The following KHDRBS2 variants were observed in gnomAD, a reference collection of about 807,000 sequenced individuals.
KHDRBS2 encodes KH domain-containing, RNA-binding, signal transduction-associated protein 2.
KHDRBS2 carries 26 observed loss-of-function variants against 44.3 expected under a neutral mutation model. That is an observed-to-expected ratio of 0.59 (90% CI 0.43 to 0.81). The LOEUF (loss-of-function observed/expected upper bound fraction) is 0.81, where lower values mean the gene tolerates loss of function less well. Ranked by LOEUF, KHDRBS2 falls within the 40% of genes least tolerant of loss-of-function variation. The pLI, the probability that KHDRBS2 is intolerant of heterozygous loss-of-function variation, is 0.00. For missense variants in KHDRBS2, 476 were observed against 433.1 expected (o/e 1.10, Z -0.88); for synonymous variants, 194 against 151.1 (o/e 1.28, Z -2.08).
At chr6:62,273,422 T>C (rs1563169624) in intron 1 of KHDRBS2, among the ~76,000 whole-genome samples, 1 of 152,188 alleles carries the variant, frequency 6.6e-6, no homozygotes, top group Admixed American at 6.5e-5. Context: ...TCTTACTTGA[T>C]CTACTGCAAC....
intron 3 of KHDRBS2, among the ~76,000 whole-genome samples, chr6:61,998,480 T>C (rs1777633424): frequency 1.3e-5 from 2 of 152,140 alleles, no homozygotes; most frequent in African/African-American, 4.8e-5. Context: ...CTCTACCTTA[T>C]GAACAAAATG....
intron 4 of KHDRBS2, among the ~76,000 whole-genome samples, chr6:61,950,411 G>A (rs1764506944): frequency 6.6e-6 from 1 of 151,962 alleles, no homozygotes; most frequent in African/African-American, 2.4e-5. Context: ...CTCACTAAAA[G>A]TTAACATTCC....
chr6:61,885,922 T>A (rs761083816), intron 6 of KHDRBS2, among the ~76,000 whole-genome samples: 7 of 152,100 alleles, frequency 4.6e-5, no homozygotes, highest in Admixed American at 6.6e-5. Context: ...AACATAACTT[T>A]GAGTGAGGCC....
At chr6:62,089,069 C>T (rs1379897398) in intron 2 of KHDRBS2, among the ~76,000 whole-genome samples, 2 of 152,032 alleles carry the variant, frequency 1.3e-5, no homozygotes, top group East Asian at 3.9e-4. Flanking sequence ...ACTCTCCTCC[C>T]CTCACCAAGC....
intron 6 of KHDRBS2, among the ~76,000 whole-genome samples, chr6:61,789,794 G>A (rs528659536): frequency 6.6e-6 from 1 of 151,558 alleles, no homozygotes; most frequent in Non-Finnish European, 1.5e-5. Context: ...ATGGCCACAT[G>A]TATACTGGTA....
At chr6:61,658,404 C>A in the KHDRBS2 span, among the ~76,000 whole-genome samples, 1,579 of 151,876 alleles carry the variant, frequency 0.01, 9 homozygotes, top group Middle Eastern at 0.027. Flanking sequence ...ATAAATGTTT[C>A]TTTTACTTTC....
intron 6 of KHDRBS2, among the ~76,000 whole-genome samples, chr6:61,892,815 G>A (rs896016231): frequency 2.0e-5 from 3 of 152,110 alleles, no homozygotes; most frequent in African/African-American, 4.8e-5. Context: ...GAAAACCTAG[G>A]CATTACCATT....
At chr6:61,795,144 CAAAAAA>C (rs1166333660) in intron 6 of KHDRBS2, among the ~76,000 whole-genome samples, 2 of 59,668 alleles carry the variant, frequency 3.4e-5, no homozygotes, top group Non-Finnish European at 6.3e-5. Context: ...GACTCCGTCT[CAAAAAA>C]AAAAAAAAAA....
intron 2 of KHDRBS2, among the ~76,000 whole-genome samples, chr6:62,165,240 CATTT>C (rs202136759): frequency 1.0e-3 from 155 of 149,644 alleles, no homozygotes; most frequent in Middle Eastern, 3.6e-3. Context: ...CATTCTAGTA[CATTT>C]ATTTATTTAT....
intron 4 of KHDRBS2, among the ~76,000 whole-genome samples, chr6:61,921,528 C>T (rs1808065015): frequency 6.6e-6 from 1 of 151,904 alleles, no homozygotes; most frequent in African/African-American, 2.4e-5. Context: ...GCAATACCTG[C>T]TCAGTATAGG....
chr6:61,683,683 T>G (rs1408017082), intron 8 of KHDRBS2, among the ~76,000 whole-genome samples: 1 of 151,938 alleles, frequency 6.6e-6, no homozygotes, highest in East Asian at 1.9e-4. Flanking sequence ...TATTTCACTA[T>G]TGAATTCAAT....
intron 4 of KHDRBS2, among the ~76,000 whole-genome samples, chr6:61,905,450 GAA>G (rs961031546): frequency 1.4e-5 from 2 of 145,616 alleles, no homozygotes; most frequent in African/African-American, 5.0e-5. Flanking sequence ...AAAGAGGAAT[GAA>G]AAAAAAAAAT....
At chr6:62,037,196 G>T (rs76264944) in intron 3 of KHDRBS2, among the ~76,000 whole-genome samples, 5,160 of 151,860 alleles carry the variant, frequency 0.034, 172 homozygotes, top group South Asian at 0.17. Context: ...AAAATTTATA[G>T]AACTGGAATC....
At chr6:62,152,402 G>A (rs185994226) in intron 2 of KHDRBS2, among the ~76,000 whole-genome samples, 139 of 152,262 alleles carry the variant, frequency 9.1e-4, no homozygotes, top group African/African-American at 3.3e-3. Context: ...AAGTCAGCTA[G>A]CACAGTGTCT....
chr6:61,739,577 A>G (rs1775862126), intron 6 of KHDRBS2, among the ~76,000 whole-genome samples: 6 of 152,096 alleles, frequency 3.9e-5, no homozygotes, highest in Admixed American at 3.9e-4. Flanking sequence ...TGTTCCATTT[A>G]CAATGTTAAG....
chr6:62,161,584 G>A lies in KHDRBS2; in HGVS notation c.219+15601C>T, dbSNP rs950296288. Reference sequence around the variant, plus strand: ...AATTTTGGTATTTGCGGGGGGGGGGGGGGTCCCAGAACAAATCCTCTGAAG... The same window carrying A: ...AATTTTGGTATTTGCGGGGGGGGGGAGGGTCCCAGAACAAATCCTCTGAAG... On this transcript the variant is annotated intron_variant, in intron 2 of 8. Coordinates refer to ENST00000281156, the MANE Select transcript of KHDRBS2 (RefSeq NM_152688.4). 6.0e-4 allele frequency among the ~76,000 whole-genome samples: 71 copies of A among 118,646 alleles called. 7 individuals carry two copies. The highest frequency in any genetic ancestry group is 9.7e-4 in the Non-Finnish European group (56 of 57,776). The allele number at this position is 118,646 out of a possible 152,430, so 77.8% of individuals were successfully genotyped here. A position where few individuals can be genotyped will look rare whatever the true frequency, so the allele number is the denominator to read the frequency against.
chr6:62,070,142 C>T (rs1192679791), intron 2 of KHDRBS2, among the ~76,000 whole-genome samples: 1 of 151,632 alleles, frequency 6.6e-6, no homozygotes, highest in Non-Finnish European at 1.5e-5. Context: ...CTATTTGCAT[C>T]CCTGAGAGGT....
the KHDRBS2 span, among the ~76,000 whole-genome samples, chr6:61,597,757 TAC>T: frequency 8.5e-3 from 455 of 53,796 alleles, 18 homozygotes; most frequent in Middle Eastern, 0.037. Context: ...TATATATATA[TAC>T]ATATATATAT....
At chr6:61,998,617 T>G (rs986065754) in intron 3 of KHDRBS2, among the ~76,000 whole-genome samples, 1 of 152,154 alleles carries the variant, frequency 6.6e-6, no homozygotes, top group African/African-American at 2.4e-5. Context: ...CCAGAAAACA[T>G]TGTTTTATTC....
Sources: allele counts gnomAD v4.1 joint callset (sites outside exome capture counted in the v4.1 genomes callset), GRCh38; gene constraint gnomAD v4.1.1; transcripts MANE v1.5; gene names NCBI Gene and HGNC (gene_info 2026-07-23, HGNC 2026-07-21).